The following ST6GALNAC2 variants were observed in gnomAD, a reference collection of about 807,000 sequenced individuals.
The protein encoded by ST6GALNAC2 is alpha-N-acetylgalactosaminide alpha-2,6-sialyltransferase 2.
In ST6GALNAC2, 42 loss-of-function variants were observed where a neutral mutation model predicts 38.7. That is an observed-to-expected ratio of 1.09 (90% CI 0.85 to 1.40). The LOEUF (loss-of-function observed/expected upper bound fraction) is 1.40, where lower values mean the gene tolerates loss of function less well. Ranked by LOEUF, ST6GALNAC2 falls within the 40% of genes most tolerant of loss-of-function variation. The probability of loss-of-function intolerance (pLI) is 0.00; values close to 1 mark genes in which losing one functional copy is unlikely to be tolerated. For synonymous variants in ST6GALNAC2, 233 were observed against 209.0 expected, an observed-to-expected ratio of 1.11 and a Z score of -0.99; for missense variants, 506 against 481.7, an observed-to-expected ratio of 1.05 and a Z score of -0.47.
At chr17:76,581,892 A>G (rs2075479867) in intron 1 of ST6GALNAC2, among the ~76,000 whole-genome samples, 1 of 151,906 alleles carries the variant, frequency 6.6e-6, no homozygotes, top group Non-Finnish European at 1.5e-5. Flanking sequence ...TTTAAGATGG[A>G]GTCTCGCTCT....
chr17:76,578,632 C>A, intron 2 of ST6GALNAC2, 124 bp downstream of exon 2: 1 of 885,634 alleles, frequency 1.1e-6, no homozygotes, highest in East Asian at 2.5e-5. Context: ...TCAGCTGTAA[C>A]TTAGGGCGTT....
chr17:76,572,108 C>A (rs535989819), intron 5 of ST6GALNAC2, among the ~76,000 whole-genome samples: 1 of 152,196 alleles, frequency 6.6e-6, no homozygotes, highest in South Asian at 2.1e-4. Flanking sequence ...AACCTCTCAG[C>A]GTCCCTGCTT....
intron 1 of ST6GALNAC2, among the ~76,000 whole-genome samples, chr17:76,584,599 C>T (rs997934647): frequency 2.0e-5 from 3 of 152,194 alleles, no homozygotes; most frequent in Non-Finnish European, 4.4e-5. Flanking sequence ...ACCTCCGCCT[C>T]CCAGAGTGCT....
At chr17:76,568,354 G>C (rs2075309972) in intron 7 of ST6GALNAC2, 1 of 284,728 alleles carries the variant, frequency 3.5e-6, no homozygotes, top group Non-Finnish European at 6.7e-6. Flanking sequence ...GTTCCTTCCG[G>C]CACCTTGTGT....
intron 1 of ST6GALNAC2, among the ~76,000 whole-genome samples, chr17:76,583,039 A>G (rs1049614361): frequency 3.3e-5 from 5 of 152,230 alleles, no homozygotes; most frequent in African/African-American, 9.7e-5. Flanking sequence ...CTTAAAGTCT[A>G]TTAGATACCC....
At position 76,565,853 on chromosome 17, in the gene ST6GALNAC2, C is replaced by A; in HGVS notation, c.*251G>T. ...TTTCCTAAAGTTGCTCAGTGCCAAT[C>A]CAGCAAAGCAGTCCATTTTCCCTTG... On this transcript the variant is annotated 3_prime_UTR_variant, in exon 9 of 9. Transcript: ENST00000225276. 2.4e-6 allele frequency: 1 copy of A among 423,436 alleles called. No homozygotes were observed. The highest frequency in any genetic ancestry group is 4.2e-6 in the Non-Finnish European group (1 of 236,912). The allele number at this position is 423,436 out of a possible 1,614,324, so 26.2% of individuals were successfully genotyped here.
chr17:76,580,210 G>A (rs183967565), intron 1 of ST6GALNAC2, among the ~76,000 whole-genome samples: 19 of 152,296 alleles, frequency 1.2e-4, no homozygotes, highest in African/African-American at 4.3e-4. Flanking sequence ...CACGAGGTCA[G>A]GAGTTCGAGA....
intron 3 of ST6GALNAC2, among the ~76,000 whole-genome samples, chr17:76,574,018 G>A (rs1007481743): frequency 1.3e-5 from 2 of 152,190 alleles, no homozygotes; most frequent in African/African-American, 2.4e-5. Flanking sequence ...CTCTGGGCCT[G>A]CAGTGTGGGG....
At position 76,584,053 on chromosome 17, in the gene ST6GALNAC2, C is replaced by T. The variant is rs1277013394; in HGVS notation, c.125+1631G>A. Among the ~76,000 whole-genome samples the T allele has an allele frequency of 5.3e-5, 8 of 150,198 alleles. No individual in the cohort carries two copies. In the East Asian group the frequency reaches 1.6e-3, roughly 30 times the overall value. ...CCAGGTCAGGAGGATCTCCTGACCT[C>T]GTGATCCGCCTGCCTCGGCCTCCCA... On this transcript the variant is annotated intron_variant, in intron 1 of 8. Coordinates refer to ENST00000225276, the MANE Select transcript of ST6GALNAC2 (RefSeq NM_006456.3).
chr17:76,576,547 AAC>A (rs1232302111), intron 2 of ST6GALNAC2, among the ~76,000 whole-genome samples: 2 of 152,182 alleles, frequency 1.3e-5, no homozygotes, highest in Admixed American at 1.3e-4. Flanking sequence ...GTGAACCCAT[AAC>A]ACACTCGGTG....
chr17:76,580,333 G>A lies in ST6GALNAC2; in HGVS notation c.126-1517C>T, dbSNP rs142013313. Among the ~76,000 whole-genome samples the A allele has an allele frequency of 9.5e-3, 1,451 of 152,154 alleles. 24 individuals are homozygous for A. The highest frequency in any genetic ancestry group is 0.033 in the African/African-American group (1,350 of 41,524). On this transcript the variant is annotated intron_variant, in intron 1 of 8. Coordinates refer to ENST00000225276, the MANE Select transcript of ST6GALNAC2 (RefSeq NM_006456.3). ...CTTGGGAAGCTGAGGCAGGAGAATC[G>A]CTTGAAACCGGAAGGTGGAGGTTGT...
chr17:76,577,905 T>C (rs1048284223), intron 2 of ST6GALNAC2, among the ~76,000 whole-genome samples: 5 of 152,136 alleles, frequency 3.3e-5, no homozygotes, highest in Non-Finnish European at 1.5e-5. Flanking sequence ...CCCCATCACC[T>C]GCCCGGGCTA....
At chr17:76,574,172 C>G (rs973678298) in intron 3 of ST6GALNAC2, among the ~76,000 whole-genome samples, 193 bp downstream of exon 3, 3 of 152,176 alleles carry the variant, frequency 2.0e-5, no homozygotes, top group Non-Finnish European at 4.4e-5. Flanking sequence ...ATGACTCTCA[C>G]TGACCCCTGG....
chr17:76,574,339 G>C, intron 3 of ST6GALNAC2, 26 bp downstream of exon 3: 1 of 1,602,864 alleles, frequency 6.2e-7, no homozygotes, highest in Non-Finnish European at 8.5e-7. Flanking sequence ...GCAGAAGGCA[G>C]GTGAGAGACA....
At chr17:76,570,493 G>A (rs1422914947) in intron 6 of ST6GALNAC2, 72 bp downstream of exon 6, 2 of 1,086,020 alleles carry the variant, frequency 1.8e-6, no homozygotes, top group African/African-American at 3.1e-5. Flanking sequence ...GGCCCTGGGA[G>A]CAAAAAGGAG....
At chr17:76,581,004 C>T (rs541945086) in intron 1 of ST6GALNAC2, 1 of 152,306 alleles carries the variant, frequency 6.6e-6, no homozygotes, top group South Asian at 2.1e-4. Flanking sequence ...CTCTCAGACC[C>T]CTCCCTTCAC....
Position 76,573,132 on chromosome 17 carries a change from G to T in ST6GALNAC2, c.530+63C>A. 6.6e-7 allele frequency: 1 copy of T among 1,514,026 alleles called. No homozygotes were observed. The allele number at this position is 1,514,026 out of a possible 1,614,324, so 93.8% of individuals were successfully genotyped here. Reference sequence around the variant, plus strand: ...CTGCCATAGCCCACTGCCCCTGGGGGAGACACCCCCACCCTCCAGGCAACT... The same window carrying T: ...CTGCCATAGCCCACTGCCCCTGGGGTAGACACCCCCACCCTCCAGGCAACT... On this transcript the variant is annotated intron_variant, in intron 4 of 8. Transcript: ENST00000225276. This position sits in a 1 kb window ranked among gnomAD's most constrained non-coding sequence, Gnocchi z 5.1.
In ST6GALNAC2 at chr17:76,573,344, G is replaced by A. The variant is rs1210425382; in HGVS notation, c.381C>T (p.Ser127=). Residue 127 remains serine, a synonymous_variant, in exon 4 of 9, where the codon AGC becomes AGT. Coordinates refer to ENST00000225276, the MANE Select transcript of ST6GALNAC2 (RefSeq NM_006456.3). This position sits in a 1 kb window ranked among gnomAD's most constrained non-coding sequence, Gnocchi z 5.1. Reference sequence around the variant, plus strand: ...TGGCACTCTCTGAGCCGTTCAGAAGGCTCAGGGTGGAGGCGATGACTGTGG... The same window carrying A: ...TGGCACTCTCTGAGCCGTTCAGAAGACTCAGGGTGGAGGCGATGACTGTGG... ...LSHQVIASTL[S]LLNGSESAKL... is the part of the protein sequence containing the mutation. The A allele has an allele frequency of 2.6e-6, 4 of 1,561,502 alleles. No individual in the cohort carries two copies. The highest frequency in any genetic ancestry group is 2.3e-5 in the East Asian group (1 of 42,622).
chr17:76,579,473 A>G (rs1225749049), intron 1 of ST6GALNAC2, among the ~76,000 whole-genome samples: 1 of 152,242 alleles, frequency 6.6e-6, no homozygotes, highest in Non-Finnish European at 1.5e-5. Flanking sequence ...GTCTGAGATG[A>G]CTGGGCCTTC....
Sources: gnomAD v4.1 joint callset for allele counts (sites outside exome capture counted in the v4.1 genomes callset) on GRCh38, gnomAD v4.1.1 for gene constraint, Gnocchi (gnomAD v3.1) non-coding constraint, MANE v1.5 for transcripts, NCBI Gene and HGNC (gene_info 2026-07-23, HGNC 2026-07-21) for gene names.